The following IL17B variants were observed in gnomAD, a reference collection of about 807,000 sequenced individuals.
The protein encoded by IL17B is interleukin 17B, also known as interleukin-17B.
Under a neutral mutation model 14.7 loss-of-function variants are expected in IL17B, and 14 were observed. That is an observed-to-expected ratio of 0.95 (90% CI 0.63 to 1.49). The LOEUF (loss-of-function observed/expected upper bound fraction) is 1.49. Among genes scored for constraint, IL17B ranks in the 40% most tolerant of loss-of-function variants. The pLI, the probability that IL17B is intolerant of heterozygous loss-of-function variation, is 0.00. For missense variants in IL17B, 233 were observed against 252.8 expected (o/e 0.92, Z 0.53); for synonymous variants, 105 against 94.8 (o/e 1.11, Z -0.62).
chr5:149,394,171 C>T (rs992146648), intron 1 of IL17B, among the ~76,000 whole-genome samples: 7 of 152,034 alleles, frequency 4.6e-5, no homozygotes, highest in African/African-American at 1.7e-4. Flanking sequence ...GACAGTCGCA[C>T]GAGTGTAACA....
chr5:149,387,896 A>G (rs1758858226), intron 1 of IL17B, among the ~76,000 whole-genome samples: 2 of 152,178 alleles, frequency 1.3e-5, no homozygotes. Flanking sequence ...GAGGCCATAC[A>G]GTGAGGAGAA....
In IL17B at chr5:149,379,110, CCAAA is replaced by C. The variant is rs939684152; in HGVS notation, c.21+91_21+94del. The C allele has an allele frequency of 4.0e-6, 6 of 1,490,346 alleles. No homozygotes were observed. In the African/African-American group the frequency reaches 8.3e-5, roughly 21 times the overall value. 92.3% of individuals were successfully genotyped at this position (1,490,346 alleles called of 1,614,324 possible). ...AGAAGTTGCCTCTGCAGATTCTAAA[CCAAA>C]CAGAGGCAGCCATTAATAAATAGGA... On this transcript the variant is annotated intron_variant, in intron 1 of 2. Coordinates refer to ENST00000261796, the MANE Select transcript of IL17B (RefSeq NM_014443.3).
At chr5:149,384,821 A>G (rs1410525417) in intron 1 of IL17B, among the ~76,000 whole-genome samples, 1 of 152,038 alleles carries the variant, frequency 6.6e-6, no homozygotes, top group East Asian at 1.9e-4. Flanking sequence ...TGATCTCTCT[A>G]TCAGCAGAGA....
At chr5:149,382,035 A>G (rs887074453), upstream of IL17B, among the ~76,000 whole-genome samples, 5 of 152,206 alleles carry the variant, frequency 3.3e-5, no homozygotes, top group African/African-American at 1.2e-4. Flanking sequence ...AGGCCCCGCC[A>G]GGAGCAGTGC....
chr5:149,376,789 G>A lies in IL17B; in HGVS notation c.258C>T (p.Val86=). Reference sequence around the variant, plus strand: ...TGTTGGACATCCACAGCTGCAAGTTGACCTCACACTTTCTCTGGGCCAGCT... The same window carrying A: ...TGTTGGACATCCACAGCTGCAAGTTAACCTCACACTTTCTCTGGGCCAGCT... ...SSELAQRKCE[V]NLQLWMSNKR... The change falls in exon 2 of 3, where the codon GTC becomes GTT. Residue 86 remains valine (V), a synonymous_variant. Coordinates refer to ENST00000261796, the MANE Select transcript of IL17B (RefSeq NM_014443.3). 3.1e-6 allele frequency: 5 copies of A among 1,613,860 alleles called. No homozygotes were observed. The highest frequency in any genetic ancestry group is 4.2e-6 in the Non-Finnish European group (5 of 1,179,900).
At position 149,374,555 on chromosome 5, in the gene IL17B, TG is replaced by T. The variant is rs1163179689; in HGVS notation, c.356del (p.Ala119AspfsTer9). The T allele has an allele frequency of 6.2e-7, 1 of 1,613,054 alleles. No individual in the cohort carries two copies. Among genetic ancestry groups the T allele is most frequent in the Non-Finnish European group, 8.5e-7 (1 of 1,179,742 alleles). On this transcript the variant is annotated frameshift_variant, in exon 3 of 3. Coordinates refer to ENST00000261796, the MANE Select transcript of IL17B (RefSeq NM_014443.3). LOFTEE classifies it high-confidence loss of function. The surrounding 1 kb of genome is among the most constrained non-coding windows in gnomAD (Gnocchi z 5.0). ...PSRIPVDLPE[A>X]RCLCLGCVNP... ...TCACACAGCCCAGACACAGGCACCG[TG>T]CCTCCGGCAGGTCCACGGGGATACG...
Position 149,374,545 on chromosome 5 carries a change from A to G in IL17B, c.367T>C (p.Cys123Arg), listed in dbSNP as rs763211165. Reference sequence around the variant, plus strand: ...GTGAAGGGGTTCACACAGCCCAGACACAGGCACCGTGCCTCCGGCAGGTCC... The same window carrying G: ...GTGAAGGGGTTCACACAGCCCAGACGCAGGCACCGTGCCTCCGGCAGGTCC... ...PVDLPEARCL[C>R]LGCVNPFTMQ... Residue 123 changes from cysteine to arginine, a missense_variant, in exon 3 of 3, where the codon TGT (cysteine) becomes CGT (arginine). By Grantham distance (180) the Cys-to-Arg change is radical. Transcript: ENST00000261796. The surrounding 1 kb of genome is among the most constrained non-coding windows in gnomAD (Gnocchi z 5.0). 1 of 1,613,232 alleles carries G rather than the reference A, an allele frequency of 6.2e-7. No individual in the cohort carries two copies.
upstream of IL17B, among the ~76,000 whole-genome samples, chr5:149,383,784 C>T (rs1758760086): frequency 6.6e-6 from 1 of 152,234 alleles, no homozygotes. Flanking sequence ...GTCGACATGA[C>T]CCTCTGCCCA....
rs150129087 is a variant in IL17B, at chr5:149,377,084, C to T, written c.22-59G>A. On this transcript the variant is annotated intron_variant, in intron 1 of 2. Coordinates refer to ENST00000261796, the MANE Select transcript of IL17B (RefSeq NM_014443.3). The stretch of plus-strand genomic sequence containing the variant: ...AGCCAAGTCTCTATCTGGGCCAAGA[C>T]TTGGGGTCCATGGTCCTTTCCCATT... 4.6e-4 allele frequency: 655 copies of T among 1,432,684 alleles called. 1 individual carries two copies. In the African/African-American group the frequency reaches 8.5e-3, roughly 19 times the overall value. The allele number at this position is 1,432,684 out of a possible 1,614,324, so 88.7% of individuals were successfully genotyped here. A position where few individuals can be genotyped will look rare whatever the true frequency, so the allele number is the denominator to read the frequency against.
At chr5:149,388,943 G>A (rs1184216829) in intron 1 of IL17B, among the ~76,000 whole-genome samples, 1 of 152,232 alleles carries the variant, frequency 6.6e-6, no homozygotes, top group Non-Finnish European at 1.5e-5. Flanking sequence ...TGAGGACAAT[G>A]AGAAAGTACT....
At chr5:149,392,962 G>GCA (rs1315412005) in intron 1 of IL17B, among the ~76,000 whole-genome samples, 1 of 150,202 alleles carries the variant, frequency 6.7e-6, no homozygotes, top group Non-Finnish European at 1.5e-5. Context: ...GTGTGTGCGT[G>GCA]TGTGTGCGCG....
chr5:149,377,285 G>A (rs2227456), intron 1 of IL17B, among the ~76,000 whole-genome samples: 5,629 of 152,238 alleles, frequency 0.037, 128 homozygotes, highest in East Asian at 0.087. Context: ...TCTGCCTGCA[G>A]CATTCTGCCT....
At chr5:149,380,742 G>T (rs188368930), upstream of IL17B, among the ~76,000 whole-genome samples, 16 of 152,324 alleles carry the variant, frequency 1.1e-4, no homozygotes, top group African/African-American at 2.9e-4. Context: ...GGCCGGTCTT[G>T]GCCATTTACA....
At chr5:149,395,836 C>G (rs1759082131) in intron 1 of IL17B, among the ~76,000 whole-genome samples, 1 of 152,206 alleles carries the variant, frequency 6.6e-6, no homozygotes, top group Admixed American at 6.5e-5. Flanking sequence ...CCATGCCCAG[C>G]TAATTTTTGT....
chr5:149,398,911 G>C (rs1046983051), intron 1 of IL17B, among the ~76,000 whole-genome samples: 4 of 152,148 alleles, frequency 2.6e-5, no homozygotes, highest in Non-Finnish European at 4.4e-5. Flanking sequence ...CAAAAAAGAA[G>C]TTATTGGACT....
upstream of IL17B, among the ~76,000 whole-genome samples, chr5:149,380,982 C>T (rs935640294): frequency 1.3e-5 from 2 of 152,254 alleles, no homozygotes; most frequent in African/African-American, 4.8e-5. Context: ...GCCCCGCCCC[C>T]ACCGCAGGCT....
rs140837226 is a variant in IL17B, at chr5:149,376,972, G to A, written c.75C>T (p.Pro25=). Reference sequence around the variant, plus strand: ...GCCCTTGCCCCTTCCTCTTGCTTTTGGGGCTCCTGGGCTGGCCCAGCCCCA... The same window carrying A: ...GCCCTTGCCCCTTCCTCTTGCTTTTAGGGCTCCTGGGCTGGCCCAGCCCCA... ...IFLGLGQPRS[P]KSKRKGQGRP... The change falls in exon 2 of 3, where the codon CCC becomes CCT. Residue 25 remains proline, a synonymous_variant. Transcript: ENST00000261796. 62 of 1,601,732 alleles carry A rather than the reference G, an allele frequency of 3.9e-5. No individual in the cohort carries two copies. The East Asian group carries it at 1.3e-3, about 33-fold the overall frequency.
intron 2 of IL17B, among the ~76,000 whole-genome samples, chr5:149,375,996 A>G (rs1394033650): frequency 6.6e-6 from 1 of 152,240 alleles, no homozygotes; most frequent in Admixed American, 6.5e-5. Flanking sequence ...ATCATCACAG[A>G]AAGTTCTGGT....
intron 1 of IL17B, among the ~76,000 whole-genome samples, chr5:149,387,400 C>G (rs1758846374): frequency 1.3e-5 from 2 of 152,266 alleles, no homozygotes; most frequent in South Asian, 2.1e-4. Flanking sequence ...AGGTGTCCAG[C>G]CAAGGACCCA....
Sources: gnomAD v4.1 joint callset for allele counts (sites outside exome capture counted in the v4.1 genomes callset) on GRCh38, gnomAD v4.1.1 for gene constraint, Gnocchi (gnomAD v3.1) non-coding constraint, MANE v1.5 for transcripts, NCBI Gene and HGNC (gene_info 2026-07-23, HGNC 2026-07-21) for gene names.